GALNT17: variants seen among roughly 807,000 people sequenced by gnomAD.
The protein encoded by GALNT17 is UDP-GalNAc:polypeptide N-acetylgalactosaminyltransferase-like 3.
In GALNT17, 29 loss-of-function variants were observed where a neutral mutation model predicts 63.7. The ratio of observed to expected loss-of-function variants is 0.46; its 90% CI spans 0.34 to 0.62. GALNT17 has a LOEUF of 0.62. GALNT17 is among the 20% of genes least tolerant of loss of function. The probability of loss-of-function intolerance (pLI) is 0.01; values close to 1 mark genes in which losing one functional copy is unlikely to be tolerated. For missense variants in GALNT17, 603 were observed against 799.6 expected, an observed-to-expected ratio of 0.75 and a Z score of 2.97; for synonymous variants, 305 against 318.3, an observed-to-expected ratio of 0.96 and a Z score of 0.45.
chr7:71,691,192 C>T (rs966515114), intron 9 of GALNT17, among the ~76,000 whole-genome samples: 16 of 152,112 alleles, frequency 1.1e-4, no homozygotes, highest in South Asian at 4.1e-4. Flanking sequence ...ACCACCACCC[C>T]GCCACCCTGA....
intron 1 of GALNT17, among the ~76,000 whole-genome samples, chr7:71,296,337 T>C (rs1344481568): frequency 1.3e-5 from 2 of 152,068 alleles, no homozygotes; most frequent in African/African-American, 4.8e-5. Context: ...ATTATTGGCC[T>C]TTGCAGTGAC....
intron 1 of GALNT17, among the ~76,000 whole-genome samples, chr7:71,248,843 A>ACC (rs779324386): frequency 3.3e-5 from 5 of 152,180 alleles, no homozygotes; most frequent in Admixed American, 1.3e-4. Context: ...TGTCATAGTC[A>ACC]CTCAGAGCAA....
chr7:71,162,074 T>G (rs1788352820), intron 1 of GALNT17, among the ~76,000 whole-genome samples: 1 of 118,640 alleles, frequency 8.4e-6, no homozygotes, highest in Non-Finnish European at 1.7e-5. Context: ...CCTTCCTTCC[T>G]TCCTTCTTTC....
intron 3 of GALNT17, among the ~76,000 whole-genome samples, chr7:71,391,634 C>T (rs1793053208): frequency 6.6e-6 from 1 of 152,028 alleles, no homozygotes; most frequent in South Asian, 2.1e-4. Context: ...AGGCATGTGC[C>T]ATCATGCCTA....
At chr7:71,345,233 GTA>G (rs779874021) in intron 2 of GALNT17, among the ~76,000 whole-genome samples, 10 of 148,666 alleles carry the variant, frequency 6.7e-5, no homozygotes, top group Non-Finnish European at 1.3e-4. Flanking sequence ...CGATTATCTC[GTA>G]CTGTGAGGGA....
rs555493098 is a variant in GALNT17, at chr7:71,366,757, G to A, written c.423-21478G>A. 3.9e-5 allele frequency among the ~76,000 whole-genome samples: 6 copies of A among 152,256 alleles called. No individual in the cohort carries two copies. The South Asian group carries it at 1.2e-3, about 32-fold the overall frequency. On this transcript the variant is annotated intron_variant, in intron 2 of 10. Coordinates refer to ENST00000333538, the MANE Select transcript of GALNT17 (RefSeq NM_022479.3). Reference sequence around the variant, plus strand: ...AGATTCTGCCGACTTGCTCTCTAAAGGACTCTGCCTGTTTATATGTCACCC... The same window carrying A: ...AGATTCTGCCGACTTGCTCTCTAAAAGACTCTGCCTGTTTATATGTCACCC...
At chr7:71,577,990 G>C (rs551772289) in intron 6 of GALNT17, among the ~76,000 whole-genome samples, 1 of 150,806 alleles carries the variant, frequency 6.6e-6, no homozygotes, top group Non-Finnish European at 1.5e-5. Flanking sequence ...TTGCTCCTTC[G>C]GAGGGGTTGT....
At chr7:71,184,012 C>T (rs1030359748) in intron 1 of GALNT17, among the ~76,000 whole-genome samples, 1 of 152,172 alleles carries the variant, frequency 6.6e-6, no homozygotes, top group Non-Finnish European at 1.5e-5. Flanking sequence ...ACCTCCAGCA[C>T]CTCCCTCAAA....
chr7:71,249,870 A>G (rs987342025), intron 1 of GALNT17, among the ~76,000 whole-genome samples: 4 of 152,238 alleles, frequency 2.6e-5, no homozygotes, highest in African/African-American at 9.6e-5. Flanking sequence ...GTAAATTTCC[A>G]TTTCTCATGA....
rs747726741 is a variant in GALNT17, at chr7:71,318,411, C to CTTTTT, written c.239-17133_239-17129dup. On this transcript the variant is annotated intron_variant, in intron 1 of 10. Transcript: ENST00000333538. Reference sequence around the variant, plus strand: ...CTTCCTACGACCATTCCCTGAAGCTCTTTTTTTTTTGTGTGTGTGTGGGGG... The same window carrying CTTTTT: ...CTTCCTACGACCATTCCCTGAAGCTCTTTTTTTTTTTTTTTGTGTGTGTGTGGGGG... Among the ~76,000 whole-genome samples the CTTTTT allele has an allele frequency of 2.5e-4, 33 of 134,380 alleles. 2 individuals are homozygous for CTTTTT. Among genetic ancestry groups the CTTTTT allele is most frequent in the African/African-American group, 4.0e-4 (14 of 35,034 alleles). 88.2% of individuals were successfully genotyped at this position (134,380 alleles called of 152,430 possible).
chr7:71,640,970 CCTAA>C (rs1790595272), intron 6 of GALNT17, among the ~76,000 whole-genome samples: 1 of 152,100 alleles, frequency 6.6e-6, no homozygotes, highest in Admixed American at 6.5e-5. Context: ...AGTTAGATTC[CCTAA>C]CTGTGATAAA....
At chr7:71,704,488 C>CTT (rs34146294) in intron 9 of GALNT17, among the ~76,000 whole-genome samples, 6,444 of 141,304 alleles carry the variant, frequency 0.046, 204 homozygotes, top group African/African-American at 0.069. Context: ...TGCCAACTGC[C>CTT]TTTTTTTTTT....
intron 1 of GALNT17, among the ~76,000 whole-genome samples, chr7:71,262,495 T>A (rs1029492644): frequency 6.6e-6 from 1 of 152,250 alleles, no homozygotes; most frequent in South Asian, 2.1e-4. Flanking sequence ...TCTTGGGAAC[T>A]ATTATGGGTT....
intron 5 of GALNT17, among the ~76,000 whole-genome samples, chr7:71,450,569 A>T (rs2116548079): frequency 6.6e-6 from 1 of 152,342 alleles, no homozygotes; most frequent in Non-Finnish European, 1.5e-5. Context: ...TTTAAAGTGT[A>T]TAATTAAATG....
chr7:71,383,819 G>A (rs762402582), intron 2 of GALNT17, among the ~76,000 whole-genome samples: 255 of 152,226 alleles, frequency 1.7e-3, no homozygotes, highest in Middle Eastern at 3.4e-3. Flanking sequence ...GATTAGAAAG[G>A]CTGACTCCAC....
At chr7:71,504,336 A>G (rs1788230689) in intron 5 of GALNT17, among the ~76,000 whole-genome samples, 1 of 152,040 alleles carries the variant, frequency 6.6e-6, no homozygotes, top group Non-Finnish European at 1.5e-5. Context: ...CGGAGGTTGC[A>G]GTGAGCCGAG....
intron 7 of GALNT17, among the ~76,000 whole-genome samples, chr7:71,667,523 T>G (rs1184621119): frequency 6.6e-6 from 1 of 152,210 alleles, no homozygotes; most frequent in East Asian, 1.9e-4. Flanking sequence ...CATGGATTAT[T>G]AAAATTTATC....
chr7:71,415,326 G>A (rs1253581344), intron 3 of GALNT17, among the ~76,000 whole-genome samples: 1 of 152,128 alleles, frequency 6.6e-6, no homozygotes, highest in Non-Finnish European at 1.5e-5. Context: ...AATTAATCTA[G>A]CAACCTCCTA....
rs112381272 is a variant in GALNT17 at position 71,574,371 on chromosome 7, A to G, written c.1080+2969A>G. 4.2e-3 allele frequency among the ~76,000 whole-genome samples: 635 copies of G among 152,222 alleles called. 8 individuals carry two copies. Among genetic ancestry groups the G allele is most frequent in the African/African-American group, 0.015 (605 of 41,538 alleles). ...ATTCAGCTCCCCCACTGCTCAGGGT[A>G]GGTCTTTATTAAAGTGTCACTTGCA... On this transcript the variant is annotated intron_variant, in intron 6 of 10. Coordinates refer to ENST00000333538, the MANE Select transcript of GALNT17 (RefSeq NM_022479.3).
Sources: gnomAD v4.1 joint callset for allele counts (sites outside exome capture counted in the v4.1 genomes callset) on GRCh38, gnomAD v4.1.1 for gene constraint, MANE v1.5 for transcripts, NCBI Gene and HGNC (gene_info 2026-07-23, HGNC 2026-07-21) for gene names.